The following ATP8B2 variants were observed in gnomAD, a reference collection of about 807,000 sequenced individuals.
ATP8B2 encodes phospholipid-transporting ATPase ID.
In ATP8B2, 70 loss-of-function variants were observed where a neutral mutation model predicts 133.4. The observed-to-expected ratio is 0.52, with a 90% confidence interval of 0.43 to 0.64. The LOEUF (loss-of-function observed/expected upper bound fraction) is 0.64, where lower values mean the gene tolerates loss of function less well. Among genes scored for constraint, ATP8B2 ranks in the 30% least tolerant of loss-of-function variants. ATP8B2 has a pLI of 0.00. For synonymous variants in ATP8B2, 517 were observed against 589.5 expected (o/e 0.88, Z 1.78); for missense variants, 1,101 against 1,535.7 (o/e 0.72, Z 4.73).
In ATP8B2 at chr1:154,331,374, A is replaced by T; in HGVS notation, c.304-70A>T. ...ATGAGGCGTTAACCAGCATGCTCTGAGTTCTACTGATCAACGAATTCCTTC... is the reference window on the plus strand; with the variant it reads ...ATGAGGCGTTAACCAGCATGCTCTGTGTTCTACTGATCAACGAATTCCTTC... On this transcript the variant is annotated intron_variant, in intron 5 of 27. Transcript: ENST00000368489. The surrounding 1 kb of genome is among the most constrained non-coding windows in gnomAD (Gnocchi z 4.8). 1 of 1,519,406 alleles carries T rather than the reference A, an allele frequency of 6.6e-7. No individual in the cohort carries two copies. The highest frequency in any genetic ancestry group is 9.1e-7 in the Non-Finnish European group (1 of 1,095,938). 94.1% of individuals were successfully genotyped at this position (1,519,406 alleles called of 1,614,324 possible). A position where few individuals can be genotyped will look rare whatever the true frequency, so the allele number is the denominator to read the frequency against.
intron 12 of ATP8B2, among the ~76,000 whole-genome samples, chr1:154,339,892 A>G (rs777699748): frequency 3.3e-5 from 5 of 152,170 alleles, no homozygotes; most frequent in African/African-American, 4.8e-5. Context: ...TGTTAAAGGC[A>G]CTATAGGGGC....
At chr1:154,348,278 G>C in intron 26 of ATP8B2, 130 bp from the exon 27 acceptor site, 1 of 1,009,858 alleles carries the variant, frequency 9.9e-7, no homozygotes, top group South Asian at 2.0e-5. Flanking sequence ...CATTTGGAGG[G>C]TGAGCCTGGA....
At chr1:154,337,963 C>T (rs1408554611) in intron 12 of ATP8B2, 1 of 324,448 alleles carries the variant, frequency 3.1e-6, no homozygotes, top group Non-Finnish European at 5.6e-6. Context: ...CTATGTGAAG[C>T]TTGGGGATAC....
chr1:154,345,736 C>T lies in ATP8B2; in HGVS notation c.2695-64C>T, dbSNP rs1335701980. ...GTTCTCTGTATGTGACATCAGCTGT[C>T]TTCCTGTGCCTGATGTGTAGCAAAG... On this transcript the variant is annotated intron_variant, in intron 23 of 27. Coordinates refer to ENST00000368489, the MANE Select transcript of ATP8B2 (RefSeq NM_001370597.1). The surrounding 1 kb of genome is among the most constrained non-coding windows in gnomAD (Gnocchi z 5.6). The T allele has an allele frequency of 1.6e-5, 23 of 1,459,566 alleles. No homozygotes were observed. Among genetic ancestry groups the T allele is most frequent in the Non-Finnish European group, 2.1e-5 (22 of 1,040,576 alleles). The allele number at this position is 1,459,566 out of a possible 1,614,324, so 90.4% of individuals were successfully genotyped here.
intron 1 of ATP8B2, among the ~76,000 whole-genome samples, chr1:154,326,366 A>T (rs1401509525): frequency 2.0e-5 from 3 of 151,992 alleles, no homozygotes; most frequent in Admixed American, 6.6e-5. Context: ...CAGGGACCGG[A>T]CCTATAGGAG....
chr1:154,338,264 G>C (rs979402635), intron 12 of ATP8B2, among the ~76,000 whole-genome samples: 14 of 152,206 alleles, frequency 9.2e-5, no homozygotes, highest in African/African-American at 3.4e-4. Flanking sequence ...GAAATAGTTG[G>C]CCAGGGTCTT....
Position 154,348,470 on chromosome 1 carries a change from G to T in ATP8B2, c.3226G>T (p.Val1076Phe). 1.2e-6 allele frequency: 2 copies of T among 1,614,086 alleles called. No homozygotes were observed. The highest frequency in any genetic ancestry group is 1.7e-6 in the Non-Finnish European group (2 of 1,179,972). Reference sequence around the variant, plus strand: ...GCTGACCATTGTGCTCACCACAGTCGTCTGCATCATGCCCGTGGTTGCCTT... The same window carrying T: ...GCTGACCATTGTGCTCACCACAGTCTTCTGCATCATGCCCGTGGTTGCCTT... ...VWLTIVLTTV[V>F]CIMPVVAFRF... is the part of the protein sequence containing the mutation. Residue 1076 changes from valine to phenylalanine, a missense_variant, in exon 27 of 28, where the codon GTC becomes TTC. Transcript: ENST00000368489.
At chr1:154,337,570 C>T in intron 12 of ATP8B2, 26 bp downstream of exon 12, 1 of 1,614,186 alleles carries the variant, frequency 6.2e-7, no homozygotes, top group Non-Finnish European at 8.5e-7. Context: ...GACCTGGGGT[C>T]TCTCCAGGGA....
At position 154,328,091 on chromosome 1, in the gene ATP8B2, G is replaced by T; in HGVS notation, c.-37-14G>T. The T allele has an allele frequency of 6.2e-7, 1 of 1,613,792 alleles. No homozygotes were observed. The highest frequency in any genetic ancestry group is 8.5e-7 in the Non-Finnish European group (1 of 1,179,690). On this transcript the variant is annotated splice_polypyrimidine_tract_variant and intron_variant, in intron 1 of 27. Transcript: ENST00000368489. This position sits in a 1 kb window ranked among gnomAD's most constrained non-coding sequence, Gnocchi z 4.6. ...CTCAGCTTCCTGACCTCATTCGTCTGTCACTTCTTGCAGGGTCTCCCATGG... is the reference window on the plus strand; with the variant it reads ...CTCAGCTTCCTGACCTCATTCGTCTTTCACTTCTTGCAGGGTCTCCCATGG...
At chr1:154,342,411 G>T (rs1208585228) in intron 13 of ATP8B2, 69 bp from the exon 14 acceptor site, 2 of 1,480,856 alleles carry the variant, frequency 1.4e-6, no homozygotes, top group Admixed American at 1.7e-5. Context: ...CTGCATTGGA[G>T]ATGTTTTTCC....
At position 154,345,955 on chromosome 1, in the gene ATP8B2, G is replaced by A; in HGVS notation, c.2778+72G>A. On this transcript the variant is annotated intron_variant, in intron 24 of 27. Coordinates refer to ENST00000368489, the MANE Select transcript of ATP8B2 (RefSeq NM_001370597.1). This position sits in a 1 kb window ranked among gnomAD's most constrained non-coding sequence, Gnocchi z 5.6. ...CTTGAAGGAGTCACATAGACGTGGTGTGTGACACTTGTGCCCATTTCCTGT... is the reference window on the plus strand; with the variant it reads ...CTTGAAGGAGTCACATAGACGTGGTATGTGACACTTGTGCCCATTTCCTGT... 2.2e-6 allele frequency: 3 copies of A among 1,384,534 alleles called. No homozygotes were observed. Among genetic ancestry groups the A allele is most frequent in the African/African-American group, 1.4e-5 (1 of 70,282 alleles). 85.8% of individuals were successfully genotyped at this position (1,384,534 alleles called of 1,614,324 possible). A position where few individuals can be genotyped will look rare whatever the true frequency, so the allele number is the denominator to read the frequency against.
Position 154,349,460 on chromosome 1 carries a change from A to C in ATP8B2, c.*342A>C. The C allele has an allele frequency of 3.4e-6, 1 of 295,396 alleles. No homozygotes were observed. The highest frequency in any genetic ancestry group is 6.3e-5 in the East Asian group (1 of 15,876). The allele number at this position is 295,396 out of a possible 1,614,324, so 18.3% of individuals were successfully genotyped here. ...GCCTGGGACCCACAGGGAGACTATA[A>C]TCTCCTTATTTTTTTACTCCTACTC... is the stretch of plus-strand genomic sequence containing the variant. On this transcript the variant is annotated 3_prime_UTR_variant, in exon 28 of 28. Transcript: ENST00000368489.
rs771629590 is a variant in ATP8B2, at chr1:154,330,805, A to G, written c.91-10A>G. The G allele has an allele frequency of 1.9e-6, 3 of 1,606,484 alleles. No homozygotes were observed. The highest frequency in any genetic ancestry group is 2.2e-5 in the South Asian group (2 of 90,884). On this transcript the variant is annotated splice_polypyrimidine_tract_variant and intron_variant, in intron 3 of 27. Coordinates refer to ENST00000368489, the MANE Select transcript of ATP8B2 (RefSeq NM_001370597.1). ...GAGACTGCTCATTATCTTCTCTCCTACTGCCATAGAGTAACTGCATCAAGA... is the reference window on the plus strand; with the variant it reads ...GAGACTGCTCATTATCTTCTCTCCTGCTGCCATAGAGTAACTGCATCAAGA...
chr1:154,343,685 T>A lies in ATP8B2; in HGVS notation c.1758+117T>A. 1 of 1,065,330 alleles carries A rather than the reference T, an allele frequency of 9.4e-7. No individual in the cohort carries two copies. The highest frequency in any genetic ancestry group is 1.4e-6 in the Non-Finnish European group (1 of 722,040). The allele number at this position is 1,065,330 out of a possible 1,614,324, so 66.0% of individuals were successfully genotyped here. On this transcript the variant is annotated intron_variant, in intron 17 of 27. Coordinates refer to ENST00000368489, the MANE Select transcript of ATP8B2 (RefSeq NM_001370597.1). This position sits in a 1 kb window ranked among gnomAD's most constrained non-coding sequence, Gnocchi z 5.8. ...GTCTACAACGTGATGTTTTGATGTGTATATATAGTGAAGTGATTACTACAG... is the reference window on the plus strand; with the variant it reads ...GTCTACAACGTGATGTTTTGATGTGAATATATAGTGAAGTGATTACTACAG...
chr1:154,332,638 G>T lies in ATP8B2; in HGVS notation c.530G>T (p.Arg177Leu), dbSNP rs981632475. ...ELDGETNMKV[R>L]QAIPVTSELG... The stretch of plus-strand genomic sequence containing the variant: ...TCCAGCGAGACCAACATGAAAGTAC[G>T]TCAGGCGATTCCAGTCACCTCAGAA... The change falls in exon 9 of 28, where the codon CGT becomes CTT. Residue 177 changes from arginine (R) to leucine (L), a missense_variant. By Grantham distance (102) the Arg-to-Leu change is moderately radical. Transcript: ENST00000368489. 40 of 1,590,072 alleles carry T rather than the reference G, an allele frequency of 2.5e-5. No individual in the cohort carries two copies. The highest frequency in any genetic ancestry group is 3.1e-5 in the Non-Finnish European group (36 of 1,167,250).
In ATP8B2 at chr1:154,343,555, T is replaced by C; in HGVS notation, c.1745T>C (p.Met582Thr). ...HSTQELLNTT[M>T]DHLNEYAGEG... ...ACTCAAGAGCTGCTCAACACCACCA[T>C]GGACCACCTTAATGTGGGTGTGAGG... Residue 582 changes from methionine to threonine, a missense_variant, in exon 17 of 28, where the codon ATG becomes ACG. Transcript: ENST00000368489. The surrounding 1 kb of genome is among the most constrained non-coding windows in gnomAD (Gnocchi z 5.8). The C allele has an allele frequency of 6.2e-7, 1 of 1,613,944 alleles. No individual in the cohort carries two copies. Among genetic ancestry groups the C allele is most frequent in the Non-Finnish European group, 8.5e-7 (1 of 1,179,944 alleles).
intron 12 of ATP8B2, 137 bp downstream of exon 12, chr1:154,337,681 C>T: frequency 6.3e-7 from 1 of 1,589,998 alleles, no homozygotes. Context: ...TTGATGTTAT[C>T]TGTTTATCTT....
Position 154,331,623 on chromosome 1 carries a change from G to T in ATP8B2, c.383G>T (p.Trp128Leu), listed in dbSNP as rs1398187690. 1.2e-6 allele frequency: 2 copies of T among 1,614,204 alleles called. No homozygotes were observed. ...LINGILQQEQWMNVCVGDIIK... is the reference protein window; with the variant it reads ...LINGILQQEQLMNVCVGDIIK... ...TGCCTCAGCCTCCAGCAGGAGCAGT[G>T]GATGAATGTCTGTGTTGGTGATATT... The change falls in exon 7 of 28, where the codon TGG becomes TTG. Residue 128 changes from tryptophan (W) to leucine (L), a missense_variant. By Grantham distance (61) the Trp-to-Leu change is moderately conservative. Coordinates refer to ENST00000368489, the MANE Select transcript of ATP8B2 (RefSeq NM_001370597.1). This position sits in a 1 kb window ranked among gnomAD's most constrained non-coding sequence, Gnocchi z 4.8.
rs1395093127 is a variant in ATP8B2 at position 154,331,905 on chromosome 1, G to A, written c.439-49G>A. Reference sequence around the variant, plus strand: ...GAAGGAGCCACCATTACAGCCCACTGGGGGTGGAGGTTTGCATATTTGGAC... The same window carrying A: ...GAAGGAGCCACCATTACAGCCCACTAGGGGTGGAGGTTTGCATATTTGGAC... On this transcript the variant is annotated intron_variant, in intron 7 of 27. Transcript: ENST00000368489. This position sits in a 1 kb window ranked among gnomAD's most constrained non-coding sequence, Gnocchi z 4.8. 9 of 1,557,682 alleles carry A rather than the reference G, an allele frequency of 5.8e-6. No homozygotes were observed. The highest frequency in any genetic ancestry group is 8.0e-6 in the Non-Finnish European group (9 of 1,129,068).
Sources: gnomAD v4.1 joint callset for allele counts (sites outside exome capture counted in the v4.1 genomes callset) on GRCh38, gnomAD v4.1.1 for gene constraint, Gnocchi (gnomAD v3.1) non-coding constraint, MANE v1.5 for transcripts, NCBI Gene and HGNC (gene_info 2026-07-23, HGNC 2026-07-21) for gene names.